The following CSMD1 variants were observed in gnomAD, a reference collection of about 807,000 sequenced individuals.
The protein encoded by CSMD1 is CUB and Sushi multiple domains 1, also known as CUB and sushi domain-containing protein 1.
A neutral mutation model predicts 417.5 loss-of-function variants in CSMD1; 213 were observed. That is an observed-to-expected ratio of 0.51 (90% confidence interval 0.46 to 0.57). CSMD1 has a LOEUF of 0.57. Among genes scored for constraint, CSMD1 ranks in the 20% least tolerant of loss-of-function variants. CSMD1 has a pLI of 0.00. For synonymous variants in CSMD1, 2,862 were observed against 1,736.8 expected, an observed-to-expected ratio of 1.65 and a Z score of -16.11; for missense variants, 6,923 against 4,529.7, an observed-to-expected ratio of 1.53 and a Z score of -15.17.
intron 10 of CSMD1, among the ~76,000 whole-genome samples, chr8:3,524,170 C>A (rs898893284): frequency 5.9e-5 from 9 of 151,432 alleles, no homozygotes; most frequent in Middle Eastern, 3.2e-3. Context: ...CAGAGACGTG[C>A]ACACACATGC....
At chr8:4,739,514 T>C (rs1810461116) in intron 1 of CSMD1, among the ~76,000 whole-genome samples, 2 of 152,206 alleles carry the variant, frequency 1.3e-5, no homozygotes, top group South Asian at 4.1e-4. Flanking sequence ...TTCTGTGCTG[T>C]GACTCAATGA....
At chr8:3,149,109 T>C (rs1819032761) in intron 40 of CSMD1, among the ~76,000 whole-genome samples, 1 of 152,180 alleles carries the variant, frequency 6.6e-6, no homozygotes. Flanking sequence ...AAATAGTTTG[T>C]TTAGGTTTAT....
At chr8:4,973,300 G>A (rs1426350928) in intron 1 of CSMD1, among the ~76,000 whole-genome samples, 5 of 152,112 alleles carry the variant, frequency 3.3e-5, no homozygotes, top group Non-Finnish European at 7.4e-5. Flanking sequence ...CATGATAACT[G>A]CACAGGCCTT....
intron 32 of CSMD1, among the ~76,000 whole-genome samples, chr8:3,200,707 C>T (rs976090273): frequency 6.6e-6 from 1 of 152,090 alleles, no homozygotes; most frequent in African/African-American, 2.4e-5. Flanking sequence ...TAATAATCAA[C>T]ATATTTAATG....
rs183441397 is a variant in CSMD1 at position 4,016,292 on chromosome 8, G to A, written c.610+15613C>T. Among the ~76,000 whole-genome samples, 23 of 152,174 alleles carry A rather than the reference G, an allele frequency of 1.5e-4. No individual in the cohort carries two copies. The East Asian group carries it at 4.3e-3, about 28-fold the overall frequency. On this transcript the variant is annotated intron_variant, in intron 4 of 69. Transcript: ENST00000635120. ...GGTACCTAAAAAGATTCCAGTAGATGGAAATAGAAAATAAATGGGGAATAA... is the reference window on the plus strand; with the variant it reads ...GGTACCTAAAAAGATTCCAGTAGATAGAAATAGAAAATAAATGGGGAATAA...
At chr8:4,654,260 T>C (rs1392308697) in intron 1 of CSMD1, among the ~76,000 whole-genome samples, 3 of 152,116 alleles carry the variant, frequency 2.0e-5, no homozygotes, top group African/African-American at 7.3e-5. Flanking sequence ...GAACAACAGT[T>C]CAGGCAAATC....
At chr8:3,734,225 G>T (rs1193197387) in intron 6 of CSMD1, among the ~76,000 whole-genome samples, 2 of 152,186 alleles carry the variant, frequency 1.3e-5, no homozygotes, top group Non-Finnish European at 2.9e-5. Context: ...CGATGAGAAT[G>T]GGAGCCTTCG....
intron 3 of CSMD1, among the ~76,000 whole-genome samples, chr8:4,207,861 T>C (rs936315310): frequency 2.6e-5 from 4 of 152,116 alleles, no homozygotes; most frequent in Non-Finnish European, 5.9e-5. Context: ...GATAATTGGT[T>C]CCATATAGGT....
At chr8:4,649,892 G>T (rs1333441775) in intron 1 of CSMD1, among the ~76,000 whole-genome samples, 2 of 152,152 alleles carry the variant, frequency 1.3e-5, no homozygotes, top group South Asian at 4.1e-4. Context: ...ATTTGCAGGT[G>T]TATGACTGGG....
chr8:4,828,550 T>A (rs759793783), intron 1 of CSMD1, among the ~76,000 whole-genome samples: 6 of 152,142 alleles, frequency 3.9e-5, no homozygotes, highest in African/African-American at 1.2e-4. Flanking sequence ...TGTGCCTTCC[T>A]GTGCTCTTTC....
intron 23 of CSMD1, among the ~76,000 whole-genome samples, chr8:3,330,606 A>T: frequency 6.6e-6 from 1 of 152,160 alleles, no homozygotes; most frequent in African/African-American, 2.4e-5. Context: ...AGGGTGGAGG[A>T]TGAGAAGAGG....
At chr8:3,919,672 T>C (rs1184977718) in intron 5 of CSMD1, among the ~76,000 whole-genome samples, 1 of 152,152 alleles carries the variant, frequency 6.6e-6, no homozygotes, top group Non-Finnish European at 1.5e-5. Context: ...TCTGTAAAAA[T>C]GCCATTGGAA....
At chr8:4,176,621 AG>A in intron 3 of CSMD1, among the ~76,000 whole-genome samples, 1 of 5,130 alleles carries the variant, frequency 1.9e-4, no homozygotes. Context: ...AATCCATAAA[AG>A]ACACAGACTG....
At position 3,832,978 on chromosome 8, in the gene CSMD1, T is replaced by C. The variant is rs575677935; in HGVS notation, c.819-78936A>G. Among the ~76,000 whole-genome samples, 17 of 152,328 alleles carry C rather than the reference T, an allele frequency of 1.1e-4. 1 individual carries two copies. The highest frequency in any genetic ancestry group is 1.0e-3 in the South Asian group (5 of 4,826). On this transcript the variant is annotated intron_variant, in intron 5 of 69. Coordinates refer to ENST00000635120, the MANE Select transcript of CSMD1 (RefSeq NM_033225.6). ...AGTGAATATCAATAATTGAGAAATA[T>C]AGACACTGTTTTCTTTTTATATTAA... is the stretch of plus-strand genomic sequence containing the variant.
chr8:4,321,746 G>C (rs1226422566), intron 3 of CSMD1, among the ~76,000 whole-genome samples: 5 of 152,146 alleles, frequency 3.3e-5, no homozygotes, highest in East Asian at 1.9e-4. Context: ...ATACGATTAA[G>C]AGTACTTTCA....
intron 5 of CSMD1, among the ~76,000 whole-genome samples, chr8:3,885,600 G>C (rs972549993): frequency 6.6e-6 from 1 of 152,044 alleles, no homozygotes; most frequent in African/African-American, 2.4e-5. Flanking sequence ...CATCAGAATC[G>C]GCTATGATGA....
Position 2,942,593 on chromosome 8 carries a change from G to C in CSMD1, c.10414C>G (p.Pro3472Ala), listed in dbSNP as rs564251139. ...FKLERQDPLN[P>A]DQDSSSHYHG... ...TAATGACTGGAAGAGTCTTGATCTG[G>C]GTTTAAAGGATCTGTAAGATAAAGG... Residue 3472 changes from proline (P) to alanine (A), a missense_variant, in exon 69 of 70, where the codon CCA becomes GCA. By Grantham distance (27) the Pro-to-Ala change is conservative. Transcript: ENST00000635120. 3.1e-6 allele frequency: 5 copies of C among 1,587,602 alleles called. No homozygotes were observed. The highest frequency in any genetic ancestry group is 3.4e-6 in the Non-Finnish European group (4 of 1,166,058).
chr8:3,834,355 G>A (rs918789021), intron 5 of CSMD1, among the ~76,000 whole-genome samples: 3 of 152,086 alleles, frequency 2.0e-5, no homozygotes, highest in East Asian at 1.9e-4. Flanking sequence ...GGTGGGGACT[G>A]AGTTTAACCT....
chr8:4,899,233 G>A (rs1456619762), intron 1 of CSMD1, among the ~76,000 whole-genome samples: 1 of 152,168 alleles, frequency 6.6e-6, no homozygotes, highest in Non-Finnish European at 1.5e-5. Flanking sequence ...ATACTTCAGA[G>A]AAGTTTTGGT....
Sources: gnomAD v4.1 joint callset for allele counts (sites outside exome capture counted in the v4.1 genomes callset) on GRCh38, gnomAD v4.1.1 for gene constraint, MANE v1.5 for transcripts, NCBI Gene and HGNC (gene_info 2026-07-23, HGNC 2026-07-21) for gene names.